The following PHLDB2 variants were observed in gnomAD, a reference collection of about 807,000 sequenced individuals.
The protein encoded by PHLDB2 is pleckstrin homology-like domain family B member 2.
PHLDB2 carries 71 observed loss-of-function variants against 123.6 expected under a neutral mutation model. The observed-to-expected ratio is 0.57, with a 90% CI of 0.47 to 0.70. The LOEUF is 0.70. Ranked by LOEUF, PHLDB2 falls within the 30% of genes least tolerant of loss-of-function variation. The pLI, the probability that PHLDB2 is intolerant of heterozygous loss-of-function variation, is 0.00. For missense variants in PHLDB2, 1,446 were observed against 1,519.5 expected, an observed-to-expected ratio of 0.95 and a Z score of 0.80; for synonymous variants, 547 against 541.6, an observed-to-expected ratio of 1.01 and a Z score of -0.14.
At chr3:111,804,950 T>G (rs1009541763) in intron 1 of PHLDB2, among the ~76,000 whole-genome samples, 2 of 151,990 alleles carry the variant, frequency 1.3e-5, no homozygotes, top group African/African-American at 4.8e-5. Flanking sequence ...ATGTGAAAAA[T>G]AAAATAATAG....
At chr3:111,936,055 T>C (rs2069472593) in intron 6 of PHLDB2, among the ~76,000 whole-genome samples, 1 of 152,172 alleles carries the variant, frequency 6.6e-6, no homozygotes, top group Admixed American at 6.5e-5. Flanking sequence ...GCTTCTGGAG[T>C]TGGCCATGAG....
intron 8 of PHLDB2, among the ~76,000 whole-genome samples, chr3:111,944,194 T>C (rs1319023772): frequency 6.6e-6 from 1 of 152,066 alleles, no homozygotes; most frequent in Non-Finnish European, 1.5e-5. Context: ...GCAAAACTAG[T>C]GTTAAGGCCG....
intron 3 of PHLDB2, chr3:111,916,269 G>A (rs2068171326): frequency 6.6e-6 from 1 of 152,184 alleles, no homozygotes; most frequent in Non-Finnish European, 1.5e-5. Context: ...GGACACCCAG[G>A]TTACCAGACA....
chr3:111,780,373 G>C (rs1288141907), intron 1 of PHLDB2, among the ~76,000 whole-genome samples: 4 of 39,562 alleles, frequency 1.0e-4, no homozygotes, highest in South Asian at 3.1e-3. Context: ...AGAAGAAGAA[G>C]AAGAAGAAGA....
At chr3:111,754,823 C>T (rs1483719521) in intron 1 of PHLDB2, among the ~76,000 whole-genome samples, 17 of 136,470 alleles carry the variant, frequency 1.2e-4, no homozygotes, top group East Asian at 2.4e-4. Flanking sequence ...GAGATACTTC[C>T]CATCAATACC....
chr3:111,944,312 C>T (rs191843306), intron 8 of PHLDB2, among the ~76,000 whole-genome samples: 355 of 152,064 alleles, frequency 2.3e-3, no homozygotes, highest in Non-Finnish European at 3.8e-3. Context: ...GGATATTATT[C>T]CATTTGTTCA....
chr3:111,862,931 G>T (rs1463361018), intron 1 of PHLDB2, among the ~76,000 whole-genome samples: 1 of 152,128 alleles, frequency 6.6e-6, no homozygotes, highest in South Asian at 2.1e-4. Context: ...AGCGAGCTAA[G>T]GGCGGGCAGA....
intron 2 of PHLDB2, among the ~76,000 whole-genome samples, chr3:111,897,836 TGA>T (rs1290862508): frequency 6.6e-6 from 1 of 152,184 alleles, no homozygotes; most frequent in Admixed American, 6.5e-5. Flanking sequence ...GGCATACCTC[TGA>T]GATATTGTGG....
At chr3:111,798,790 T>C (rs2061266589) in intron 1 of PHLDB2, among the ~76,000 whole-genome samples, 1 of 152,170 alleles carries the variant, frequency 6.6e-6, no homozygotes, top group African/African-American at 2.4e-5. Flanking sequence ...TCAAAATATA[T>C]GCTGAATTTC....
Position 111,949,687 on chromosome 3 carries a change from C to T in PHLDB2, c.2631+612C>T, listed in dbSNP as rs1031278807. 3 of 977,834 alleles carry T rather than the reference C, an allele frequency of 3.1e-6. No homozygotes were observed. In the African/African-American group the frequency reaches 5.3e-5, roughly 17 times the overall value. The allele number at this position is 977,834 out of a possible 1,614,324, so 60.6% of individuals were successfully genotyped here. ...TCATGTGGACACATATATACCTTTT[C>T]TTTCTCCTATAAAGCAAAGATCACC... On this transcript the variant is annotated intron_variant, in intron 10 of 17. Coordinates refer to ENST00000431670, the MANE Select transcript of PHLDB2 (RefSeq NM_001134438.2).
chr3:111,758,435 G>A (rs944270332), intron 1 of PHLDB2, among the ~76,000 whole-genome samples: 7 of 152,202 alleles, frequency 4.6e-5, no homozygotes, highest in South Asian at 4.1e-4. Flanking sequence ...CTCCTGGTGC[G>A]CTGTTTTTTA....
intron 16 of PHLDB2, among the ~76,000 whole-genome samples, chr3:111,970,339 G>GA (rs1347434903): frequency 6.6e-6 from 1 of 152,054 alleles, no homozygotes; most frequent in Admixed American, 6.6e-5. Context: ...GGTGGGATCA[G>GA]AAAAAATATT....
rs938175235 is a variant in PHLDB2, at chr3:111,945,204, C to T, written c.2398-64C>T. The T allele has an allele frequency of 7.4e-6, 8 of 1,077,310 alleles. No individual in the cohort carries two copies. The Admixed American group carries it at 1.6e-4, about 22-fold the overall frequency. The allele number at this position is 1,077,310 out of a possible 1,614,324, so 66.7% of individuals were successfully genotyped here. On this transcript the variant is annotated intron_variant, in intron 8 of 17. Transcript: ENST00000431670. ...CTGATGTTAGTCTCTAATGCAAAGT[C>T]ACCATGCTTCTCAGTTGCATCGAAG...
Position 111,940,560 on chromosome 3 carries a change from A to G in PHLDB2, c.2312A>G (p.Gln771Arg). Reference sequence around the variant, plus strand: ...GAAAAAATTTCTGCATTGAAAAAGCAAGCCAATCACATTGTTCAGCAGGCT... The same window carrying G: ...GAAAAAATTTCTGCATTGAAAAAGCGAGCCAATCACATTGTTCAGCAGGCT... The part of the protein sequence containing the change: ...RKEKISALKK[Q>R]ANHIVQQAQR... Residue 771 changes from glutamine (Q) to arginine (R), a missense_variant, in exon 8 of 18, where the codon CAA becomes CGA. Around this residue, in one of 3 missense-constraint regions of PHLDB2, gnomAD observed 594 missense variants for 646.0 expected, o/e 0.92. Transcript: ENST00000431670. 5.0e-6 allele frequency: 8 copies of G among 1,601,770 alleles called. No homozygotes were observed. Among genetic ancestry groups the G allele is most frequent in the Non-Finnish European group, 6.8e-6 (8 of 1,174,802 alleles).
At chr3:111,845,881 G>A (rs201415940) in exon 2 of PHLDB2, 341 of 1,614,068 alleles carry the variant, frequency 2.1e-4, no homozygotes, top group Non-Finnish European at 2.6e-4. Flanking sequence ...GGAGGAGGAG[G>A]ATACCAAGAG....
intron 8 of PHLDB2, among the ~76,000 whole-genome samples, chr3:111,944,251 A>G (rs2070126519): frequency 6.6e-6 from 1 of 152,210 alleles, no homozygotes; most frequent in Non-Finnish European, 1.5e-5. Context: ...GTTGACAGGT[A>G]GGGGCATGAG....
At chr3:111,777,425 T>A (rs2060285884) in intron 1 of PHLDB2, among the ~76,000 whole-genome samples, 1 of 152,152 alleles carries the variant, frequency 6.6e-6, no homozygotes, top group Non-Finnish European at 1.5e-5. Context: ...AATATTCAGC[T>A]CTAAAATTTA....
Position 111,962,216 on chromosome 3 carries a change from A to G in PHLDB2, c.2981A>G (p.His994Arg). The G allele has an allele frequency of 5.7e-6, 9 of 1,581,110 alleles. No homozygotes were observed. Among genetic ancestry groups the G allele is most frequent in the Non-Finnish European group, 6.8e-6 (8 of 1,171,068 alleles). The stretch of plus-strand genomic sequence containing the variant: ...TTGAATAGTTTCCATTATCCAGATC[A>G]CAGCTACAAGGACCAGGCCTTTGAT... The part of the protein sequence containing the change: ...VYLNSFHYPD[H>R]SYKDQAFDTL... The change falls in exon 13 of 18, where the codon CAC (histidine) becomes CGC (arginine). Residue 994 changes from histidine to arginine, a missense_variant. Transcript: ENST00000431670.
At chr3:111,856,423 A>T (rs541899163), upstream of PHLDB2, among the ~76,000 whole-genome samples, 6 of 152,334 alleles carry the variant, frequency 3.9e-5, no homozygotes, top group African/African-American at 1.4e-4. Flanking sequence ...TTTTTTACTT[A>T]TAAAATGGGA....
Sources: gnomAD v4.1 joint callset for allele counts (sites outside exome capture counted in the v4.1 genomes callset) on GRCh38, gnomAD v4.1.1 for gene constraint, gnomAD v4.1.1 regional missense constraint, MANE v1.5 for transcripts, NCBI Gene and HGNC (gene_info 2026-07-23, HGNC 2026-07-21) for gene names.